The following ZNF292 variants were observed in gnomAD, a reference collection of about 807,000 sequenced individuals.
ZNF292 encodes the protein zinc finger protein 292, also known as 16 zinc-finger domain protein.
ZNF292 carries 26 observed loss-of-function variants against 217.9 expected under a neutral mutation model. That is an observed-to-expected ratio of 0.12 (90% CI 0.09 to 0.17). The LOEUF (loss-of-function observed/expected upper bound fraction) is 0.17. Among genes scored for constraint, ZNF292 ranks in the 10% least tolerant of loss-of-function variants. The probability of loss-of-function intolerance (pLI) is 1.00; values close to 1 mark genes in which losing one functional copy is unlikely to be tolerated. For missense variants in ZNF292, 2,904 were observed against 3,175.2 expected, an observed-to-expected ratio of 0.91 and a Z score of 2.05; for synonymous variants, 1,257 against 1,124.1, an observed-to-expected ratio of 1.12 and a Z score of -2.37.
Position 87,262,652 on chromosome 6 carries a change from A to G in ZNF292, c.*851A>G, listed in dbSNP as rs1271748563. 1 of 152,026 alleles carries G rather than the reference A, an allele frequency of 6.6e-6. No individual in the cohort carries two copies. The allele number at this position is 152,026 out of a possible 1,614,324, so 9.4% of individuals were successfully genotyped here. A position where few individuals can be genotyped will look rare whatever the true frequency, so the allele number is the denominator to read the frequency against. On this transcript the variant is annotated 3_prime_UTR_variant, in exon 8 of 8. Coordinates refer to ENST00000369577, the MANE Select transcript of ZNF292 (RefSeq NM_015021.3). The stretch of plus-strand genomic sequence containing the variant: ...AAATCCTTTGTGAATGTGATAGAAA[A>G]CTAGTAGTGTGGAGCAGTGTAAATA...
At position 87,242,787 on chromosome 6, in the gene ZNF292, T is replaced by G. The variant is rs565554876; in HGVS notation, c.742-688T>G. 1.7e-4 allele frequency among the ~76,000 whole-genome samples: 26 copies of G among 152,314 alleles called. No individual in the cohort carries two copies. In the South Asian group the frequency reaches 5.2e-3, roughly 30 times the overall value. On this transcript the variant is annotated intron_variant, in intron 5 of 7. Transcript: ENST00000369577. ...ATTGTAATGAGGTAATAAATTTTAATTTTTTTAAAAAGAAATCATAGATGT... is the reference window on the plus strand; with the variant it reads ...ATTGTAATGAGGTAATAAATTTTAAGTTTTTTAAAAAGAAATCATAGATGT...
Position 87,257,296 on chromosome 6 carries a change from C to G in ZNF292, c.3667C>G (p.Gln1223Glu), listed in dbSNP as rs61739183. The stretch of plus-strand genomic sequence containing the variant: ...TATAACTTCTCAGGATAAAAATGAA[C>G]AAGGTGGTATGTTATGTTCCCAAAT... The part of the protein sequence containing the change: ...PNITSQDKNE[Q>E]GGMLCSQMEN... Residue 1223 changes from glutamine to glutamate, a missense_variant, in exon 8 of 8, where the codon CAA becomes GAA. Physicochemically the swap from Gln to Glu is conservative, Grantham distance 29. Coordinates refer to ENST00000369577, the MANE Select transcript of ZNF292 (RefSeq NM_015021.3). 624 of 1,613,600 alleles carry G rather than the reference C, an allele frequency of 3.9e-4. 1 individual carries two copies. The African/African-American group carries it at 7.6e-3, about 20-fold the overall frequency.
At chr6:87,196,570 A>T (rs761815935) in intron 1 of ZNF292, among the ~76,000 whole-genome samples, 17 of 152,240 alleles carry the variant, frequency 1.1e-4, no homozygotes, top group Admixed American at 3.9e-4. Flanking sequence ...CATGATGCAC[A>T]TCTCTTATTT....
chr6:87,229,069 T>C (rs1412943445), intron 4 of ZNF292, among the ~76,000 whole-genome samples: 1 of 152,216 alleles, frequency 6.6e-6, no homozygotes, highest in Non-Finnish European at 1.5e-5. Flanking sequence ...TTCCCAATTA[T>C]TTATGCATTT....
chr6:87,256,935 C>A lies in ZNF292; in HGVS notation c.3306C>A (p.Val1102=). 4 of 1,613,696 alleles carry A rather than the reference C, an allele frequency of 2.5e-6. No individual in the cohort carries two copies. The highest frequency in any genetic ancestry group is 1.1e-5 in the South Asian group (1 of 91,046). ...KAPVQKFSCQ[V]EGCTRTYNSS... is the part of the protein sequence containing the mutation. Reference sequence around the variant, plus strand: ...CAGTTCAGAAATTCAGCTGCCAGGTCGAGGGATGTACTCGAACCTATAATT... The same window carrying A: ...CAGTTCAGAAATTCAGCTGCCAGGTAGAGGGATGTACTCGAACCTATAATT... Residue 1102 remains valine (V), a synonymous_variant, in exon 8 of 8, where the codon GTC becomes GTA. Coordinates refer to ENST00000369577, the MANE Select transcript of ZNF292 (RefSeq NM_015021.3).
At chr6:87,169,761 C>T (rs1181920495) in intron 1 of ZNF292, 2 of 423,756 alleles carry the variant, frequency 4.7e-6, no homozygotes, top group African/African-American at 2.1e-5. Context: ...ATCCTCCCAC[C>T]TCAGCCTCTT....
At chr6:87,209,885 G>T (rs898079722) in intron 1 of ZNF292, among the ~76,000 whole-genome samples, 1 of 152,116 alleles carries the variant, frequency 6.6e-6, no homozygotes, top group Admixed American at 6.5e-5. Context: ...AAAGAGTCAT[G>T]AGATCAAAAT....
chr6:87,248,013 T>C (rs1562173834), intron 7 of ZNF292, among the ~76,000 whole-genome samples: 3 of 152,166 alleles, frequency 2.0e-5, no homozygotes, highest in South Asian at 2.1e-4. Context: ...TATTAAGTAT[T>C]AATAAATCAG....
At chr6:87,233,255 T>G in intron 4 of ZNF292, 70 bp from the exon 5 acceptor site, 1 of 1,105,790 alleles carries the variant, frequency 9.0e-7, no homozygotes, top group Non-Finnish European at 1.3e-6. Flanking sequence ...AAAATATTTC[T>G]TATAAGTGTT....
In ZNF292 at chr6:87,162,345, G is replaced by A. The variant is rs186456394; in HGVS notation, c.168+6586G>A. 2.8e-3 allele frequency among the ~76,000 whole-genome samples: 420 copies of A among 152,218 alleles called. 2 individuals are homozygous for A. The highest frequency in any genetic ancestry group is 5.1e-3 in the Non-Finnish European group (345 of 67,986). ...CAGTTTGATACAAGTTGATTCTTTT[G>A]TTTATATACATGTTACATTATAACT... On this transcript the variant is annotated intron_variant, in intron 1 of 7. Transcript: ENST00000369577.
intron 1 of ZNF292, among the ~76,000 whole-genome samples, chr6:87,207,073 T>C (rs1485156866): frequency 6.6e-6 from 1 of 152,212 alleles, no homozygotes; most frequent in African/African-American, 2.4e-5. Flanking sequence ...CATGGTGAAC[T>C]AAGGTAGCTG....
chr6:87,236,925 T>A (rs1773934497), intron 5 of ZNF292, among the ~76,000 whole-genome samples: 1 of 152,216 alleles, frequency 6.6e-6, no homozygotes, highest in Non-Finnish European at 1.5e-5. Flanking sequence ...TGTTGCCTTT[T>A]ACATACATCC....
At chr6:87,186,737 T>G (rs1771671113) in intron 1 of ZNF292, among the ~76,000 whole-genome samples, 2 of 152,036 alleles carry the variant, frequency 1.3e-5, no homozygotes, top group African/African-American at 4.8e-5. Context: ...GAACAAGACC[T>G]GGTCTCAAAA....
chr6:87,199,242 C>T (rs1772040693), intron 1 of ZNF292, among the ~76,000 whole-genome samples: 1 of 152,280 alleles, frequency 6.6e-6, no homozygotes. Context: ...TCCCTAATGG[C>T]TAATAATATT....
intron 1 of ZNF292, among the ~76,000 whole-genome samples, chr6:87,189,834 T>C (rs1369400975): frequency 1.3e-5 from 2 of 152,224 alleles, no homozygotes; most frequent in African/African-American, 4.8e-5. Flanking sequence ...CCACTATTTG[T>C]AGCCCACACT....
Position 87,255,441 on chromosome 6 carries a change from A to G in ZNF292, c.1812A>G (p.Lys604=), listed in dbSNP as rs968202813. The change falls in exon 8 of 8, where the codon AAA becomes AAG. Residue 604 remains lysine (K), a synonymous_variant. Transcript: ENST00000369577. The part of the protein sequence containing the change: ...QSSKERLAAM[K]PLRRLGRPPK... ...GTAAAGAGAGACTAGCAGCTATGAA[A>G]CCATTAAGAAGATTGGGAAGGCCTC... 2 of 1,613,672 alleles carry G rather than the reference A, an allele frequency of 1.2e-6. No individual in the cohort carries two copies. Among genetic ancestry groups the G allele is most frequent in the African/African-American group, 2.7e-5 (2 of 74,928 alleles).
intron 1 of ZNF292, chr6:87,169,738 C>A: frequency 2.3e-6 from 1 of 439,040 alleles, no homozygotes; most frequent in Non-Finnish European, 4.6e-6. Context: ...CGTCCACCTC[C>A]CGGGCTCAAG....
intron 1 of ZNF292, among the ~76,000 whole-genome samples, chr6:87,160,170 A>G (rs1770685012): frequency 2.0e-5 from 3 of 152,210 alleles, no homozygotes; most frequent in South Asian, 4.1e-4. Flanking sequence ...GTAGTAAACT[A>G]TGATTTATAT....
At chr6:87,207,934 T>G (rs1476010878) in intron 1 of ZNF292, among the ~76,000 whole-genome samples, 1 of 152,190 alleles carries the variant, frequency 6.6e-6, no homozygotes, top group Non-Finnish European at 1.5e-5. Flanking sequence ...TGTGTATCAT[T>G]CTGACTCCTT....
Sources: gnomAD v4.1 joint callset for allele counts (sites outside exome capture counted in the v4.1 genomes callset) on GRCh38, gnomAD v4.1.1 for gene constraint, MANE v1.5 for transcripts, NCBI Gene and HGNC (gene_info 2026-07-23, HGNC 2026-07-21) for gene names.